The following MERTK variants were observed in gnomAD, a reference collection of about 807,000 sequenced individuals.
MERTK encodes the protein MER proto-oncogene, tyrosine kinase, also known as tyrosine-protein kinase Mer.
In MERTK, 69 loss-of-function variants were observed where a neutral mutation model predicts 99.3. The ratio of observed to expected loss-of-function variants is 0.70; its 90% CI spans 0.57 to 0.85. The LOEUF (loss-of-function observed/expected upper bound fraction) is 0.85, where lower values mean the gene tolerates loss of function less well. MERTK is among the 40% of genes least tolerant of loss of function. MERTK has a pLI of 0.00. For synonymous variants in MERTK, 426 were observed against 467.6 expected, an observed-to-expected ratio of 0.91 and a Z score of 1.15; for missense variants, 1,125 against 1,249.4, an observed-to-expected ratio of 0.90 and a Z score of 1.50.
chr2:111,911,822 A>G (rs10174790), intron 1 of MERTK, among the ~76,000 whole-genome samples: 9,963 of 148,238 alleles, frequency 0.067, 392 homozygotes, highest in African/African-American at 0.11. Flanking sequence ...TTGAGTAGCT[A>G]GGACTACAGG....
chr2:112,025,918 G>T (rs1677451740), intron 18 of MERTK, among the ~76,000 whole-genome samples: 2 of 152,076 alleles, frequency 1.3e-5, no homozygotes, highest in Admixed American at 6.5e-5. Flanking sequence ...TTCTTATCTT[G>T]TAAATCTGAA....
chr2:111,943,140 C>G (rs1031545825), intron 2 of MERTK, among the ~76,000 whole-genome samples: 1 of 152,356 alleles, frequency 6.6e-6, no homozygotes, highest in Admixed American at 6.5e-5. Flanking sequence ...CTACCCTTGA[C>G]AGCTTCCTGG....
At chr2:111,915,972 TA>T (rs1249605840) in intron 1 of MERTK, among the ~76,000 whole-genome samples, 2 of 152,250 alleles carry the variant, frequency 1.3e-5, no homozygotes. Flanking sequence ...AATATCTGGT[TA>T]TTTCCATTGT....
At chr2:111,919,385 C>T (rs957162160) in intron 1 of MERTK, among the ~76,000 whole-genome samples, 2 of 152,006 alleles carry the variant, frequency 1.3e-5, no homozygotes, top group African/African-American at 2.4e-5. Flanking sequence ...GCCCAAGCTG[C>T]ACCCTGAGCC....
chr2:111,963,978 A>G (rs937038617), intron 4 of MERTK, among the ~76,000 whole-genome samples: 5 of 149,980 alleles, frequency 3.3e-5, no homozygotes, highest in Non-Finnish European at 7.4e-5. Context: ...TTCTGTCAAC[A>G]TGATATAGCA....
intron 2 of MERTK, among the ~76,000 whole-genome samples, chr2:111,935,802 A>G (rs947305461): frequency 2.0e-5 from 3 of 152,192 alleles, no homozygotes; most frequent in African/African-American, 7.2e-5. Flanking sequence ...TTCCAATTAT[A>G]TATAAATAAA....
At chr2:111,922,336 A>G (rs1684475211) in intron 1 of MERTK, among the ~76,000 whole-genome samples, 1 of 152,216 alleles carries the variant, frequency 6.6e-6, no homozygotes, top group Non-Finnish European at 1.5e-5. Flanking sequence ...AGAAAATCAA[A>G]GGAGCTCATG....
chr2:111,969,185 AG>A (rs1253804676), intron 6 of MERTK, among the ~76,000 whole-genome samples: 4 of 152,200 alleles, frequency 2.6e-5, no homozygotes. Context: ...CTGTTTACTA[AG>A]GGACCACAGG....
intron 15 of MERTK, among the ~76,000 whole-genome samples, chr2:112,017,778 A>G (rs1246692361): frequency 1.3e-5 from 2 of 152,204 alleles, no homozygotes; most frequent in Admixed American, 6.5e-5. Flanking sequence ...TAAGAAAAGC[A>G]GATTGTCTCA....
intron 2 of MERTK, among the ~76,000 whole-genome samples, chr2:111,931,343 T>C (rs1454477825): frequency 6.6e-6 from 1 of 152,140 alleles, no homozygotes; most frequent in Non-Finnish European, 1.5e-5. Flanking sequence ...GCTTAGGAGA[T>C]TTGACTATAT....
chr2:112,014,837 C>T (rs543985370), intron 15 of MERTK, among the ~76,000 whole-genome samples: 11 of 152,084 alleles, frequency 7.2e-5, no homozygotes, highest in Non-Finnish European at 1.5e-4. Flanking sequence ...CGGGGTTTCA[C>T]CATGTTGGTC....
chr2:111,917,958 G>T (rs994587103), intron 1 of MERTK, among the ~76,000 whole-genome samples: 1 of 151,738 alleles, frequency 6.6e-6, no homozygotes, highest in Non-Finnish European at 1.5e-5. Context: ...GTAGAGCTCA[G>T]TGGAATTAAA....
chr2:111,940,417 A>G (rs1684840844), intron 2 of MERTK: 24 of 539,718 alleles, frequency 4.4e-5, no homozygotes, highest in South Asian at 3.4e-4. Flanking sequence ...TTCTGTATAC[A>G]GCAGTCACAG....
chr2:112,029,446 ATGCC>A lies in MERTK; in HGVS notation c.*585_*588del. On this transcript the variant is annotated 3_prime_UTR_variant, in exon 19 of 19. Transcript: ENST00000295408. ...TGGCCTTTGCAAAGGAATTCCCTTA[ATGCC>A]TGGTCCTTGGGGCAATTGCTCTGAC... is the stretch of plus-strand genomic sequence containing the variant. 1.7e-6 allele frequency: 1 copy of A among 605,390 alleles called. No individual in the cohort carries two copies. Among genetic ancestry groups the A allele is most frequent in the East Asian group, 1.4e-4 (1 of 7,160 alleles). 37.5% of individuals were successfully genotyped at this position (605,390 alleles called of 1,614,324 possible).
chr2:111,917,467 C>G (rs1195438025), intron 1 of MERTK, among the ~76,000 whole-genome samples: 1 of 152,182 alleles, frequency 6.6e-6, no homozygotes, highest in East Asian at 1.9e-4. Context: ...CTTTCCTTGT[C>G]TTTAGCTCCT....
chr2:111,944,533 A>ATTCCTTAAAATATTTC (rs1265922025), intron 2 of MERTK, among the ~76,000 whole-genome samples: 1 of 151,258 alleles, frequency 6.6e-6, no homozygotes, highest in Non-Finnish European at 1.5e-5. Flanking sequence ...TTAAGGAATT[A>ATTCCTTAAAATATTTC]GCTCACACAC....
chr2:111,933,468 A>G (rs1684709995), intron 2 of MERTK, among the ~76,000 whole-genome samples: 1 of 152,262 alleles, frequency 6.6e-6, no homozygotes, highest in South Asian at 2.1e-4. Flanking sequence ...CTAGGGGCAG[A>G]GAACATAGAT....
intron 8 of MERTK, among the ~76,000 whole-genome samples, chr2:111,991,752 C>A (rs1031590642): frequency 4.6e-5 from 7 of 151,926 alleles, no homozygotes; most frequent in African/African-American, 9.7e-5. Flanking sequence ...TGTACACACA[C>A]AATATATATA....
At chr2:111,976,677 C>T (rs900892147) in intron 7 of MERTK, among the ~76,000 whole-genome samples, 8 of 151,616 alleles carry the variant, frequency 5.3e-5, no homozygotes, top group East Asian at 1.9e-4. Context: ...TTAATTGCAT[C>T]GTATTTTCTA....
Sources: gnomAD v4.1 joint callset for allele counts (sites outside exome capture counted in the v4.1 genomes callset) on GRCh38, gnomAD v4.1.1 for gene constraint, MANE v1.5 for transcripts, NCBI Gene and HGNC (gene_info 2026-07-23, HGNC 2026-07-21) for gene names.